FMN1: variants seen among roughly 807,000 people sequenced by gnomAD.
The protein encoded by FMN1 is formin-1.
Under a neutral mutation model 132.4 loss-of-function variants are expected in FMN1, and 110 were observed. The ratio of observed to expected loss-of-function variants is 0.83; its 90% CI spans 0.71 to 0.97. FMN1 has a LOEUF of 0.97. Ranked by LOEUF, FMN1 falls within the 50% of genes least tolerant of loss-of-function variation. FMN1 has a pLI of 0.00. For synonymous variants in FMN1, 722 were observed against 651.7 expected (o/e 1.11, Z -1.64); for missense variants, 1,792 against 1,705.3 (o/e 1.05, Z -0.90).
In FMN1 at chr15:33,039,477, G is replaced by A. The variant is rs59972399; in HGVS notation, c.2161+25480C>T. Among the ~76,000 whole-genome samples, 567 of 152,296 alleles carry A rather than the reference G, an allele frequency of 3.7e-3. 2 individuals are homozygous for A. Among genetic ancestry groups the A allele is most frequent in the African/African-American group, 0.013 (550 of 41,572 alleles). On this transcript the variant is annotated intron_variant, in intron 6 of 20. Coordinates refer to ENST00000616417, the MANE Select transcript of FMN1 (RefSeq NM_001277313.2). ...AGGAAACTTATTTTTTATGTAAATT[G>A]TTATTAGACAGCTGGTTTTATGAAA...
At chr15:33,022,869 G>A (rs1378037898) in intron 6 of FMN1, among the ~76,000 whole-genome samples, 1 of 152,056 alleles carries the variant, frequency 6.6e-6, no homozygotes, top group East Asian at 1.9e-4. Context: ...GAAGTTGGAA[G>A]AGGTTGTCAA....
chr15:32,967,232 G>A (rs892668881), intron 8 of FMN1, among the ~76,000 whole-genome samples: 3 of 152,192 alleles, frequency 2.0e-5, no homozygotes, highest in Non-Finnish European at 2.9e-5. Context: ...TCCCGTGGTC[G>A]TGGGTGAAGG....
chr15:33,015,056 G>A (rs1335292380), intron 6 of FMN1, among the ~76,000 whole-genome samples: 1 of 152,188 alleles, frequency 6.6e-6, no homozygotes, highest in African/African-American at 2.4e-5. Flanking sequence ...AACGCCTCAG[G>A]TTGAACAGCT....
intron 4 of FMN1, among the ~76,000 whole-genome samples, chr15:33,124,848 A>G (rs1595527786): frequency 6.8e-6 from 1 of 146,776 alleles, no homozygotes; most frequent in African/African-American, 2.5e-5. Flanking sequence ...ATTTTTCTGC[A>G]TTTTTTTTTT....
intron 6 of FMN1, among the ~76,000 whole-genome samples, chr15:33,056,432 G>A (rs1027048978): frequency 6.6e-6 from 1 of 152,202 alleles, no homozygotes; most frequent in African/African-American, 2.4e-5. Context: ...ATGACATACA[G>A]AAAACCAAAG....
At chr15:33,075,168 G>C (rs530682722) in intron 5 of FMN1, among the ~76,000 whole-genome samples, 2 of 151,944 alleles carry the variant, frequency 1.3e-5, no homozygotes, top group Non-Finnish European at 2.9e-5. Flanking sequence ...GGTAAGAACA[G>C]TACCTACACT....
intron 2 of FMN1, among the ~76,000 whole-genome samples, chr15:33,184,331 A>G (rs1965803972): frequency 6.6e-6 from 1 of 151,912 alleles, no homozygotes; most frequent in Admixed American, 6.6e-5. Flanking sequence ...AGTATTTCCT[A>G]CTCTTTCTAA....
chr15:32,960,180 T>G, intron 9 of FMN1, among the ~76,000 whole-genome samples: 1 of 152,204 alleles, frequency 6.6e-6, no homozygotes, highest in Non-Finnish European at 1.5e-5. Context: ...GAACTTACTA[T>G]TTGTATTAAT....
At chr15:33,122,658 T>TG (rs1211585903) in intron 4 of FMN1, among the ~76,000 whole-genome samples, 3 of 152,280 alleles carry the variant, frequency 2.0e-5, no homozygotes, top group Non-Finnish European at 2.9e-5. Context: ...AGAGAAAACT[T>TG]GGAGTTTGTG....
intron 4 of FMN1, among the ~76,000 whole-genome samples, chr15:33,093,988 C>T (rs1400545970): frequency 1.3e-5 from 2 of 152,198 alleles, no homozygotes; most frequent in African/African-American, 4.8e-5. Flanking sequence ...GTATTTCCAA[C>T]ATGCCCAGCT....
chr15:33,076,140 C>A (rs184328702), intron 5 of FMN1, among the ~76,000 whole-genome samples: 1 of 152,270 alleles, frequency 6.6e-6, no homozygotes, highest in East Asian at 1.9e-4. Context: ...GGGTAGCAGT[C>A]TTTAAAGTAC....
intron 4 of FMN1, among the ~76,000 whole-genome samples, chr15:33,094,572 AAAC>A (rs1167268564): frequency 2.6e-5 from 4 of 152,224 alleles, no homozygotes; most frequent in Non-Finnish European, 5.9e-5. Flanking sequence ...TCATCTCTGG[AAAC>A]AACAGCTCCT....
intron 20 of FMN1, among the ~76,000 whole-genome samples, chr15:32,775,911 G>GA (rs982491670): frequency 2.0e-5 from 3 of 152,174 alleles, no homozygotes; most frequent in African/African-American, 7.2e-5. Flanking sequence ...TGAAAAATCC[G>GA]AGAGAGGAGG....
rs182039206 is a variant in FMN1 at position 32,802,386 on chromosome 15, A to G, written c.3980+1895T>C. ...CATGCCTTCAGAAACTGCTTAGGAA[A>G]AGCAAATATGCCTTAGCCTCAGAGT... On this transcript the variant is annotated intron_variant, in intron 18 of 20. Coordinates refer to ENST00000616417, the MANE Select transcript of FMN1 (RefSeq NM_001277313.2). Among the ~76,000 whole-genome samples the G allele has an allele frequency of 1.8e-3, 277 of 152,342 alleles. 2 individuals are homozygous for G. Among genetic ancestry groups the G allele is most frequent in the African/African-American group, 6.6e-3 (275 of 41,564 alleles).
chr15:32,798,781 T>TAAA (rs760980660), intron 19 of FMN1, 23 bp downstream of exon 19: 2 of 1,600,238 alleles, frequency 1.2e-6, no homozygotes, highest in East Asian at 4.5e-5. Flanking sequence ...AAGGAGGCAT[T>TAAA]AAAATCTTTT....
intron 18 of FMN1, among the ~76,000 whole-genome samples, chr15:32,801,649 T>G (rs11631976): frequency 0.24 from 37,070 of 151,848 alleles, 4,690 homozygotes; most frequent in Admixed American, 0.29. Context: ...AAAAAAATTA[T>G]TCAGGCGTGG....
At chr15:32,916,564 G>A (rs1056487727) in intron 10 of FMN1, among the ~76,000 whole-genome samples, 1 of 152,202 alleles carries the variant, frequency 6.6e-6, no homozygotes, top group Non-Finnish European at 1.5e-5. Context: ...GTAGGGTTGG[G>A]TTGGCTCACC....
chr15:32,983,694 A>C (rs1460377858), intron 7 of FMN1, among the ~76,000 whole-genome samples: 1 of 152,198 alleles, frequency 6.6e-6, no homozygotes, highest in Admixed American at 6.5e-5. Flanking sequence ...TATCACAGAA[A>C]GTAGAGTAAA....
chr15:32,780,977 T>C (rs2056643870), intron 19 of FMN1, among the ~76,000 whole-genome samples: 1 of 152,198 alleles, frequency 6.6e-6, no homozygotes, highest in South Asian at 2.1e-4. Flanking sequence ...AATTTCATGA[T>C]AGAGGTTATT....
Sources: gnomAD v4.1 joint callset for allele counts (sites outside exome capture counted in the v4.1 genomes callset) on GRCh38, gnomAD v4.1.1 for gene constraint, MANE v1.5 for transcripts, NCBI Gene and HGNC (gene_info 2026-07-23, HGNC 2026-07-21) for gene names.